CCSER1: variants seen among roughly 807,000 people sequenced by gnomAD.
CCSER1 encodes the protein serine-rich coiled-coil domain-containing protein 1.
A neutral mutation model predicts 82.0 loss-of-function variants in CCSER1; 41 were observed. The ratio of observed to expected loss-of-function variants is 0.50; its 90% CI spans 0.39 to 0.65. CCSER1 has a LOEUF of 0.65. CCSER1 is among the 30% of genes least tolerant of loss of function. CCSER1 has a pLI of 0.00. For synonymous variants in CCSER1, 414 were observed against 383.9 expected (o/e 1.08, Z -0.92); for missense variants, 1,119 against 1,064.2 (o/e 1.05, Z -0.72).
intron 9 of CCSER1, among the ~76,000 whole-genome samples, chr4:90,956,412 A>G (rs1733438539): frequency 6.6e-6 from 1 of 152,136 alleles, no homozygotes; most frequent in Non-Finnish European, 1.5e-5. Flanking sequence ...CTATATATGA[A>G]ATACTATGTG....
rs532086226 is a variant in CCSER1, at chr4:90,939,274, T to C, written c.2172+15827T>C. ...TAGAATAAATAATGAAGAGTCTTACTCTAACTACAGAAAATATAACACCTG... is the reference window on the plus strand; with the variant it reads ...TAGAATAAATAATGAAGAGTCTTACCCTAACTACAGAAAATATAACACCTG... On this transcript the variant is annotated intron_variant, in intron 9 of 10. Coordinates refer to ENST00000509176, the MANE Select transcript of CCSER1 (RefSeq NM_001145065.2). Among the ~76,000 whole-genome samples, 6 of 152,290 alleles carry C rather than the reference T, an allele frequency of 3.9e-5. No homozygotes were observed. In the South Asian group the frequency reaches 1.0e-3, roughly 26 times the overall value.
At chr4:90,483,100 T>G (rs143131857) in intron 5 of CCSER1, among the ~76,000 whole-genome samples, 2,264 of 152,326 alleles carry the variant, frequency 0.015, 25 homozygotes, top group Non-Finnish European at 0.025. Context: ...TTCTTCTTGT[T>G]GAATTGATCC....
chr4:90,601,636 G>T (rs1409966912), intron 5 of CCSER1, among the ~76,000 whole-genome samples: 2 of 141,876 alleles, frequency 1.4e-5, no homozygotes, highest in Non-Finnish European at 3.0e-5. Flanking sequence ...CTGAAAGCTG[G>T]ATGGCTTTTT....
chr4:90,271,875 T>A lies in CCSER1; in HGVS notation c.-41-36369T>A, dbSNP rs1243455274. 2.7e-3 allele frequency among the ~76,000 whole-genome samples: 274 copies of A among 101,850 alleles called. 5 individuals are homozygous for A. Among genetic ancestry groups the A allele is most frequent in the East Asian group, 0.01 (33 of 3,228 alleles). 66.8% of individuals were successfully genotyped at this position (101,850 alleles called of 152,430 possible). Reference sequence around the variant, plus strand: ...ATATATATATATATTTTTTTTTTTTTTTTTTTTTTTTTTTTAAAAGGAGGT... The same window carrying A: ...ATATATATATATATTTTTTTTTTTTATTTTTTTTTTTTTTTAAAAGGAGGT... On this transcript the variant is annotated intron_variant, in intron 1 of 10. Transcript: ENST00000509176.
intron 10 of CCSER1, among the ~76,000 whole-genome samples, chr4:91,235,706 A>G (rs1025798433): frequency 1.3e-5 from 2 of 152,078 alleles, no homozygotes; most frequent in Non-Finnish European, 2.9e-5. Flanking sequence ...GTCAATTAGA[A>G]GTAATCAGGC....
chr4:90,153,292 A>G (rs536625307), intron 1 of CCSER1, among the ~76,000 whole-genome samples: 2 of 152,006 alleles, frequency 1.3e-5, no homozygotes, highest in East Asian at 3.9e-4. Context: ...TCATTGTTGG[A>G]CATTTGGGTT....
At chr4:90,844,905 T>C (rs989698079) in intron 8 of CCSER1, among the ~76,000 whole-genome samples, 10 of 152,198 alleles carry the variant, frequency 6.6e-5, no homozygotes, top group Admixed American at 6.5e-4. Flanking sequence ...ATAGTCTCTG[T>C]CTCAATTAAA....
chr4:90,879,665 G>GAAGAAGAAGA (rs1183477350), intron 8 of CCSER1, among the ~76,000 whole-genome samples: 10 of 151,318 alleles, frequency 6.6e-5, no homozygotes, highest in African/African-American at 9.7e-5. Flanking sequence ...GAAGAGGAAA[G>GAAGAAGAAGA]AAGAAGAAGA....
intron 3 of CCSER1, among the ~76,000 whole-genome samples, chr4:90,332,925 C>G (rs1222485239): frequency 6.6e-6 from 1 of 152,072 alleles, no homozygotes; most frequent in Non-Finnish European, 1.5e-5. Flanking sequence ...AATCCAGAAC[C>G]ACGTGTTATG....
At chr4:91,116,222 A>G (rs1175769163) in intron 10 of CCSER1, among the ~76,000 whole-genome samples, 1 of 152,144 alleles carries the variant, frequency 6.6e-6, no homozygotes, top group African/African-American at 2.4e-5. Context: ...GCACATACAC[A>G]CCATGGAATA....
At chr4:90,207,720 C>G (rs1739152293) in intron 1 of CCSER1, among the ~76,000 whole-genome samples, 1 of 152,104 alleles carries the variant, frequency 6.6e-6, no homozygotes, top group Admixed American at 6.5e-5. Flanking sequence ...CTATTTCTTT[C>G]TGTTTGTTAG....
intron 10 of CCSER1, among the ~76,000 whole-genome samples, chr4:91,579,297 ATGG>A (rs1763613901): frequency 6.6e-6 from 1 of 151,578 alleles, no homozygotes; most frequent in Non-Finnish European, 1.5e-5. Context: ...CAATTCCATA[ATGG>A]TGGGGATAGG....
chr4:91,067,638 C>G (rs1001594690), intron 9 of CCSER1, among the ~76,000 whole-genome samples: 8 of 152,222 alleles, frequency 5.3e-5, no homozygotes, highest in African/African-American at 1.9e-4. Context: ...AGCCACTGCA[C>G]CCACCCCATC....
At chr4:90,159,515 A>G (rs1004366028) in intron 1 of CCSER1, among the ~76,000 whole-genome samples, 1 of 152,194 alleles carries the variant, frequency 6.6e-6, no homozygotes, top group Non-Finnish European at 1.5e-5. Context: ...TAGAGAGAGA[A>G]CACACAATAT....
intron 3 of CCSER1, among the ~76,000 whole-genome samples, chr4:90,341,118 A>G (rs1373465212): frequency 6.6e-6 from 1 of 152,116 alleles, no homozygotes; most frequent in Non-Finnish European, 1.5e-5. Context: ...CTGTCATAGA[A>G]TTAATAATTT....
intron 10 of CCSER1, among the ~76,000 whole-genome samples, chr4:91,598,288 TAATAA>T (rs1192886843): frequency 2.0e-5 from 3 of 152,184 alleles, no homozygotes; most frequent in Admixed American, 1.3e-4. Flanking sequence ...ACCTTTTACT[TAATAA>T]AATAATCTGT....
At chr4:90,170,949 A>G (rs545047403) in intron 1 of CCSER1, among the ~76,000 whole-genome samples, 3 of 151,798 alleles carry the variant, frequency 2.0e-5, no homozygotes, top group African/African-American at 4.8e-5. Flanking sequence ...CAGTGTGATT[A>G]TAGTCAATAA....
At chr4:90,786,494 T>C (rs1207194249) in intron 7 of CCSER1, among the ~76,000 whole-genome samples, 1 of 121,960 alleles carries the variant, frequency 8.2e-6, no homozygotes, top group Non-Finnish European at 1.7e-5. Context: ...ATCATTTTAC[T>C]CAAAGTTTAG....
intron 4 of CCSER1, among the ~76,000 whole-genome samples, chr4:90,413,676 T>C (rs960891619): frequency 6.6e-6 from 1 of 151,654 alleles, no homozygotes; most frequent in Non-Finnish European, 1.5e-5. Context: ...CCTAAATTAA[T>C]ATATGTTCCT....
Sources: allele counts gnomAD v4.1 joint callset (sites outside exome capture counted in the v4.1 genomes callset), GRCh38; gene constraint gnomAD v4.1.1; transcripts MANE v1.5; gene names NCBI Gene and HGNC (gene_info 2026-07-23, HGNC 2026-07-21).